Variants in MACF1 observed in about 807,000 individuals in gnomAD.
MACF1 encodes microtubule-actin cross-linking factor 1.
In MACF1, 193 loss-of-function variants were observed where a neutral mutation model predicts 854.8. That is an observed-to-expected ratio of 0.23 (90% confidence interval 0.20 to 0.25). The LOEUF is 0.25. Among genes scored for constraint, MACF1 ranks in the 10% least tolerant of loss-of-function variants. The probability of loss-of-function intolerance (pLI) is 1.00; values close to 1 mark genes in which losing one functional copy is unlikely to be tolerated. For synonymous variants in MACF1, 3,185 were observed against 3,226.7 expected, an observed-to-expected ratio of 0.99 and a Z score of 0.44; for missense variants, 7,722 against 8,929.1, an observed-to-expected ratio of 0.86 and a Z score of 5.45.
chr1:39,231,338 G>C, intron 2 of MACF1, 95 bp downstream of exon 2: 1 of 1,126,860 alleles, frequency 8.9e-7, no homozygotes, highest in South Asian at 1.3e-5. Flanking sequence ...ATTGCTTGCT[G>C]TGTGCTCAAG....
intron 2 of MACF1, among the ~76,000 whole-genome samples, chr1:39,167,265 G>A (rs1643891587): frequency 6.6e-6 from 1 of 151,258 alleles, no homozygotes; most frequent in African/African-American, 2.4e-5. Flanking sequence ...CACAGCCAGG[G>A]ATGTGAAATC....
intron 6 of MACF1, among the ~76,000 whole-genome samples, chr1:39,268,304 C>T (rs1645260366): frequency 6.6e-6 from 1 of 152,118 alleles, no homozygotes; most frequent in Admixed American, 6.6e-5. Flanking sequence ...TCCTCCTGGC[C>T]CTCCCTAGTT....
chr1:39,324,584 A>G, intron 34 of MACF1, 62 bp from the exon 35 acceptor site: 1 of 1,376,930 alleles, frequency 7.3e-7, no homozygotes, highest in Non-Finnish European at 1.0e-6. Flanking sequence ...AATAATTTTA[A>G]ATAATTTTTG....
rs1042560560 is a variant in MACF1 at position 39,105,549 on chromosome 1, G to GGCC, written c.220+21121_220+21123dup. On this transcript the variant is annotated intron_variant, in intron 2 of 93. Coordinates refer to the MACF1 transcript ENST00000361689. The surrounding 1 kb of genome is among the most constrained non-coding windows in gnomAD (Gnocchi z 5.9). ...GAGACGCACAAAGGGTCGAGGCTGG[G>GGCC]GCCGCCGCCGCCTCAGCGCGCGGGC... The GGCC allele has an allele frequency of 9.3e-5, 99 of 1,066,556 alleles. No homozygotes were observed. The African/African-American group carries it at 1.1e-3, about 11-fold the overall frequency. 66.1% of individuals were successfully genotyped at this position (1,066,556 alleles called of 1,614,324 possible).
In MACF1 at chr1:39,382,161, T is replaced by C; in HGVS notation, c.13848+9T>C. On this transcript the variant is annotated intron_variant, in intron 56 of 100. Coordinates refer to ENST00000564288, the MANE Select transcript of MACF1 (RefSeq NM_001394062.1). ...AAAAGCAACAGGTCCAGGTGAGCAA[T>C]ATAGCAACAAAGAAATTGGAATCAC... 6.2e-7 allele frequency: 1 copy of C among 1,611,312 alleles called. No individual in the cohort carries two copies. Among genetic ancestry groups the C allele is most frequent in the Non-Finnish European group, 8.5e-7 (1 of 1,179,224 alleles).
rs570773237 is a variant in MACF1 at position 39,446,065 on chromosome 1, A to G, written c.19605+1230A>G. Among the ~76,000 whole-genome samples the G allele has an allele frequency of 1.1e-4, 16 of 152,326 alleles. No individual in the cohort carries two copies. In the South Asian group the frequency reaches 3.3e-3, roughly 32 times the overall value. On this transcript the variant is annotated intron_variant, in intron 80 of 100. Coordinates refer to ENST00000564288, the MANE Select transcript of MACF1 (RefSeq NM_001394062.1). ...ACAGATTCCAGCTCATAACCAAGAA[A>G]TTTTCAGAGAGTTTTCTTAATAGTT...
chr1:39,415,359 G>C (rs1643251695), intron 58 of MACF1, among the ~76,000 whole-genome samples: 1 of 150,498 alleles, frequency 6.6e-6, no homozygotes, highest in Non-Finnish European at 1.5e-5. Context: ...ATGGAGTCTG[G>C]CTCTGTCAGT....
At position 39,284,204 on chromosome 1, in the gene MACF1, A is replaced by AT. The variant is rs1292694655; in HGVS notation, c.1035+26dup. The AT allele has an allele frequency of 3.1e-6, 5 of 1,607,694 alleles. No homozygotes were observed. Among genetic ancestry groups the AT allele is most frequent in the African/African-American group, 2.7e-5 (2 of 74,466 alleles). ...ACTAAAGGTAAAGTCAAGGACTTAA[A>AT]TTTTTTTGGTAAAATCTTTCTAGGG... On this transcript the variant is annotated intron_variant, in intron 10 of 100. Transcript: ENST00000564288.
Position 39,433,111 on chromosome 1 carries a change from G to A in MACF1, c.17521G>A (p.Glu5841Lys). 3 of 1,612,580 alleles carry A rather than the reference G, an allele frequency of 1.9e-6. No individual in the cohort carries two copies. The highest frequency in any genetic ancestry group is 2.5e-6 in the Non-Finnish European group (3 of 1,179,172). ...GGATGAACTCTTCAGTCACCGTAGTGAAATCTTTGGCACATGTGGGGAGGA... is the reference window on the plus strand; with the variant it reads ...GGATGAACTCTTCAGTCACCGTAGTAAAATCTTTGGCACATGTGGGGAGGA... ...SMDELFSHRS[E>K]IFGTCGEEQK... Residue 5841 changes from glutamate (E) to lysine (K), a missense_variant, in exon 68 of 101, where the codon GAA (glutamate) becomes AAA (lysine). By Grantham distance (56) the Glu-to-Lys change is moderately conservative. Around this residue, in one of 15 missense-constraint regions of MACF1, gnomAD observed 2,807 missense variants for 3,235.8 expected, o/e 0.87. Coordinates refer to ENST00000564288, the MANE Select transcript of MACF1 (RefSeq NM_001394062.1).
chr1:39,193,293 A>G (rs922803884), intron 2 of MACF1, among the ~76,000 whole-genome samples: 2 of 151,652 alleles, frequency 1.3e-5, no homozygotes, highest in African/African-American at 4.9e-5. Context: ...TTCATTGGGG[A>G]AAAGGGTCAA....
At chr1:39,233,797 TA>T (rs1213195224) in intron 2 of MACF1, among the ~76,000 whole-genome samples, 3,476 of 78,018 alleles carry the variant, frequency 0.045, 462 homozygotes, top group African/African-American at 0.059. Flanking sequence ...TTTTTTTTTT[TA>T]TTTATTTTTT....
intron 6 of MACF1, among the ~76,000 whole-genome samples, chr1:39,268,147 C>A (rs1645255618): frequency 6.6e-6 from 1 of 152,176 alleles, no homozygotes; most frequent in African/African-American, 2.4e-5. Flanking sequence ...CCGGGCCCTT[C>A]CCTTCCCTTG....
At chr1:39,279,317 G>A (rs1237544565) in intron 6 of MACF1, among the ~76,000 whole-genome samples, 1 of 151,916 alleles carries the variant, frequency 6.6e-6, no homozygotes, top group Non-Finnish European at 1.5e-5. Context: ...CTATTCTCAC[G>A]GTCTTTCTTC....
intron 58 of MACF1, chr1:39,410,220 G>T: frequency 6.9e-7 from 1 of 1,443,918 alleles, no homozygotes; most frequent in Non-Finnish European, 9.4e-7. Context: ...GGGAACCTGT[G>T]AAAAATACTT....
chr1:39,413,990 C>T (rs1643166107), intron 58 of MACF1: 1 of 1,608,160 alleles, frequency 6.2e-7, no homozygotes, highest in Non-Finnish European at 8.5e-7. Flanking sequence ...GAGGAGCCCA[C>T]CTCCCCAGCA....
chr1:39,133,697 C>T (rs1193159787), intron 2 of MACF1, among the ~76,000 whole-genome samples: 1 of 152,166 alleles, frequency 6.6e-6, no homozygotes, highest in African/African-American at 2.4e-5. Context: ...TAACATCTGT[C>T]ACTTCACATA....
At chr1:39,437,650 A>G in intron 70 of MACF1, 127 bp from the exon 71 acceptor site, 1 of 830,214 alleles carries the variant, frequency 1.2e-6, no homozygotes, top group Non-Finnish European at 2.0e-6. Context: ...CTTAATAGCC[A>G]TTGGGCTAAA....
intron 6 of MACF1, among the ~76,000 whole-genome samples, chr1:39,261,378 G>A (rs1332590662): frequency 1.3e-5 from 2 of 152,120 alleles, no homozygotes; most frequent in South Asian, 2.1e-4. Context: ...TGATTTTTAT[G>A]AGTTGTACAA....
At chr1:39,254,164 G>A in intron 4 of MACF1, 134 bp from the exon 5 acceptor site, 1 of 718,914 alleles carries the variant, frequency 1.4e-6, no homozygotes, top group East Asian at 2.7e-5. Context: ...GGTGCTTTGT[G>A]TAATGCTCCC....
Sources: gnomAD v4.1 joint callset for allele counts (sites outside exome capture counted in the v4.1 genomes callset) on GRCh38, gnomAD v4.1.1 for gene constraint, gnomAD v4.1.1 regional missense constraint, Gnocchi (gnomAD v3.1) non-coding constraint, MANE v1.5 for transcripts, NCBI Gene and HGNC (gene_info 2026-07-23, HGNC 2026-07-21) for gene names.